Variants in ARL8B observed in about 807,000 individuals in gnomAD.
ARL8B encodes ARF like GTPase 8B.
ARL8B carries 9 observed loss-of-function variants against 30.6 expected under a neutral mutation model. The ratio of observed to expected loss-of-function variants is 0.29; its 90% CI spans 0.18 to 0.51. ARL8B has a LOEUF of 0.51. ARL8B is among the 20% of genes least tolerant of loss of function. The pLI, the probability that ARL8B is intolerant of heterozygous loss-of-function variation, is 0.97. For synonymous variants in ARL8B, 74 were observed against 76.0 expected, an observed-to-expected ratio of 0.97 and a Z score of 0.14; for missense variants, 130 against 227.2, an observed-to-expected ratio of 0.57 and a Z score of 2.75.
At chr3:5,152,201 T>C (rs377582437) in intron 1 of ARL8B, among the ~76,000 whole-genome samples, 1 of 152,262 alleles carries the variant, frequency 6.6e-6, no homozygotes, top group East Asian at 1.9e-4. Flanking sequence ...AAATCTCTAA[T>C]TATAATTGTG....
At chr3:5,155,874 A>T (rs1258388794) in intron 1 of ARL8B, among the ~76,000 whole-genome samples, 1 of 142,828 alleles carries the variant, frequency 7.0e-6, no homozygotes, top group Non-Finnish European at 1.5e-5. Flanking sequence ...TTCTTTGAGT[A>T]CCTTTAAGAT....
chr3:5,130,562 C>G (rs1343538550), intron 1 of ARL8B, among the ~76,000 whole-genome samples: 1 of 149,804 alleles, frequency 6.7e-6, no homozygotes, highest in South Asian at 2.1e-4. Flanking sequence ...GGGATGGAAT[C>G]TTGCTTTGTT....
chr3:5,155,191 T>C (rs147956893), intron 1 of ARL8B, among the ~76,000 whole-genome samples: 2,332 of 152,346 alleles, frequency 0.015, 21 homozygotes, highest in Non-Finnish European at 0.023. Flanking sequence ...GGATTCTCGG[T>C]TAACAGTTTT....
chr3:5,134,693 G>T (rs1337082095), intron 1 of ARL8B, among the ~76,000 whole-genome samples: 1 of 152,102 alleles, frequency 6.6e-6, no homozygotes, highest in African/African-American at 2.4e-5. Flanking sequence ...TGTGATCCTT[G>T]GTCCTCATAG....
chr3:5,127,872 C>CAAAA (rs748657502), intron 1 of ARL8B, among the ~76,000 whole-genome samples: 1,466 of 10,592 alleles, frequency 0.14, 387 homozygotes, highest in Non-Finnish European at 0.15. Flanking sequence ...GACTCCGTCT[C>CAAAA]AAAAAAAAAA....
intron 1 of ARL8B, among the ~76,000 whole-genome samples, chr3:5,139,589 A>G (rs1559277757): frequency 6.6e-6 from 1 of 152,232 alleles, no homozygotes; most frequent in Non-Finnish European, 1.5e-5. Flanking sequence ...TCTCAGTAAC[A>G]TCTTTGACAT....
intron 1 of ARL8B, among the ~76,000 whole-genome samples, chr3:5,169,165 TTG>T (rs1311161529): frequency 6.6e-6 from 1 of 152,160 alleles, no homozygotes; most frequent in African/African-American, 2.4e-5. Flanking sequence ...TACATTCACA[TTG>T]TGTAACCATC....
chr3:5,168,078 T>A (rs1253986613), intron 1 of ARL8B, among the ~76,000 whole-genome samples: 1 of 152,204 alleles, frequency 6.6e-6, no homozygotes, highest in East Asian at 1.9e-4. Context: ...TTTTGAGACA[T>A]GCTCTCACTC....
chr3:5,150,060 G>A (rs1017983898), intron 1 of ARL8B, among the ~76,000 whole-genome samples: 2 of 152,148 alleles, frequency 1.3e-5, no homozygotes, highest in Admixed American at 1.3e-4. Flanking sequence ...AATATTGTGA[G>A]CTACTTTTTG....
chr3:5,130,317 G>A (rs1575558394), intron 1 of ARL8B, among the ~76,000 whole-genome samples: 1 of 151,534 alleles, frequency 6.6e-6, no homozygotes, highest in Non-Finnish European at 1.5e-5. Context: ...GAGCCACCAC[G>A]CCTGCCCCTG....
chr3:5,130,328 A>G (rs902815214), intron 1 of ARL8B, among the ~76,000 whole-genome samples: 4 of 150,660 alleles, frequency 2.7e-5, no homozygotes, highest in Non-Finnish European at 5.9e-5. Context: ...CCTGCCCCTG[A>G]GAACATAGTT....
intron 1 of ARL8B, chr3:5,128,594 T>A: frequency 6.0e-6 from 2 of 336,052 alleles, no homozygotes; most frequent in South Asian, 4.6e-5. Flanking sequence ...AGTAAGTGGA[T>A]GGTTACTGAA....
rs1450351398 is a variant in ARL8B at position 5,170,591 on chromosome 3, A to G, written c.204+8A>G. ...GGTAACGTCACAATAAAGGTAAGTT[A>G]TTTCTTGCCGTACGCAATTTAAATT... is the stretch of plus-strand genomic sequence containing the variant. On this transcript the variant is annotated splice_region_variant and intron_variant, in intron 2 of 6. Coordinates refer to ENST00000256496, the MANE Select transcript of ARL8B (RefSeq NM_018184.3). 1 of 1,601,308 alleles carries G rather than the reference A, an allele frequency of 6.2e-7. No homozygotes were observed.
intron 1 of ARL8B, among the ~76,000 whole-genome samples, chr3:5,170,054 A>G (rs1198556259): frequency 6.6e-6 from 1 of 152,252 alleles, no homozygotes; most frequent in Non-Finnish European, 1.5e-5. Flanking sequence ...AAACTTCTGT[A>G]TGACAAAATA....
At chr3:5,133,514 G>T (rs1463426322) in intron 1 of ARL8B, among the ~76,000 whole-genome samples, 1 of 152,188 alleles carries the variant, frequency 6.6e-6, no homozygotes, top group East Asian at 1.9e-4. Context: ...AATTTGCAAA[G>T]ACCCTTTTAA....
chr3:5,135,055 G>T (rs1284709504), intron 1 of ARL8B, among the ~76,000 whole-genome samples: 1 of 152,082 alleles, frequency 6.6e-6, no homozygotes, highest in Non-Finnish European at 1.5e-5. Flanking sequence ...CGCCATGTTG[G>T]CCAGGCTGGT....
At chr3:5,124,795 A>G (rs2054215702) in intron 1 of ARL8B, among the ~76,000 whole-genome samples, 1 of 152,196 alleles carries the variant, frequency 6.6e-6, no homozygotes, top group Admixed American at 6.5e-5. Context: ...AAGATGAGGC[A>G]TAAGCTTGAG....
intron 1 of ARL8B, among the ~76,000 whole-genome samples, chr3:5,136,805 T>G (rs74451012): frequency 0.019 from 2,849 of 152,210 alleles, 79 homozygotes; most frequent in African/African-American, 0.065. Flanking sequence ...TCTTTGCCTG[T>G]GATGCTTGTT....
intron 1 of ARL8B, among the ~76,000 whole-genome samples, chr3:5,152,785 C>CA (rs1334197826): frequency 6.6e-6 from 1 of 152,190 alleles, no homozygotes; most frequent in African/African-American, 2.4e-5. Flanking sequence ...TGTGCCTAGA[C>CA]AAAATCTGGG....
Sources: gnomAD v4.1 joint callset for allele counts (sites outside exome capture counted in the v4.1 genomes callset) on GRCh38, gnomAD v4.1.1 for gene constraint, MANE v1.5 for transcripts, NCBI Gene and HGNC (gene_info 2026-07-23, HGNC 2026-07-21) for gene names.